C11orf52: variants seen among roughly 807,000 people sequenced by gnomAD.
The protein encoded by C11orf52 is uncharacterized protein C11orf52.
In C11orf52, 9 loss-of-function variants were observed where a neutral mutation model predicts 11.7. The ratio of observed to expected loss-of-function variants is 0.77; its 90% CI spans 0.46 to 1.34. The LOEUF is 1.34. C11orf52 is among the 40% of genes most tolerant of loss of function. The probability of loss-of-function intolerance (pLI) is 0.00; values close to 1 mark genes in which losing one functional copy is unlikely to be tolerated. For synonymous variants in C11orf52, 49 were observed against 57.4 expected (o/e 0.85, Z 0.66); for missense variants, 139 against 154.8 (o/e 0.90, Z 0.54).
chr11:111,925,620 A>G (rs782371755), intron 2 of C11orf52, 33 bp from the exon 3 acceptor site: 2 of 1,607,552 alleles, frequency 1.2e-6, no homozygotes, highest in South Asian at 1.1e-5. Flanking sequence ...CAGGGAAGAG[A>G]GAATAAACTT....
rs1965808277 is a variant in C11orf52 at position 111,926,299 on chromosome 11, C to T, written c.*100C>T. 3 of 1,531,612 alleles carry T rather than the reference C, an allele frequency of 2.0e-6. No individual in the cohort carries two copies. Among genetic ancestry groups the T allele is most frequent in the East Asian group, 4.5e-5 (2 of 44,210 alleles). The allele number at this position is 1,531,612 out of a possible 1,614,324, so 94.9% of individuals were successfully genotyped here. On this transcript the variant is annotated 3_prime_UTR_variant, in exon 4 of 4. Transcript: ENST00000278601. ...GGTGGCAACCCAGGGATGTTGTCCA[C>T]GTTTTAAGCTTAAAGAACTCCAAAG...
intron 1 of C11orf52, among the ~76,000 whole-genome samples, chr11:111,919,960 C>T (rs2137398092): frequency 1.3e-5 from 2 of 152,214 alleles, no homozygotes; most frequent in East Asian, 3.9e-4. Flanking sequence ...CTTTGGGAGG[C>T]CGAGGCGGGT....
rs1332461557 is a variant in C11orf52 at position 111,926,363 on chromosome 11, T to G, written c.*164T>G. The G allele has an allele frequency of 9.6e-7, 1 of 1,042,516 alleles. No individual in the cohort carries two copies. Among genetic ancestry groups the G allele is most frequent in the Non-Finnish European group, 1.4e-6 (1 of 732,538 alleles). 64.6% of individuals were successfully genotyped at this position (1,042,516 alleles called of 1,614,324 possible). A position where few individuals can be genotyped will look rare whatever the true frequency, so the allele number is the denominator to read the frequency against. On this transcript the variant is annotated 3_prime_UTR_variant, in exon 4 of 4. Transcript: ENST00000278601. Reference sequence around the variant, plus strand: ...GGGCGTCCCATTTTCTCCCCTGGCCTCTTACTTGCCACTGTTAGGTTGGAG... The same window carrying G: ...GGGCGTCCCATTTTCTCCCCTGGCCGCTTACTTGCCACTGTTAGGTTGGAG...
chr11:111,924,151 G>A (rs1302407033), intron 1 of C11orf52, 175 bp from the exon 2 acceptor site: 5 of 626,150 alleles, frequency 8.0e-6, no homozygotes, highest in Admixed American at 7.4e-5. Context: ...ATGTGGGAGA[G>A]GTGTGGTACC....
intron 2 of C11orf52, among the ~76,000 whole-genome samples, chr11:111,924,842 G>C (rs1001245516): frequency 6.6e-6 from 1 of 152,194 alleles, no homozygotes; most frequent in Admixed American, 6.5e-5. Context: ...ATAGCAAAGG[G>C]CCAGGCGTAG....
At position 111,926,424 on chromosome 11, in the gene C11orf52, C is replaced by T; in HGVS notation, c.*225C>T. 8.0e-6 allele frequency: 5 copies of T among 624,314 alleles called. No individual in the cohort carries two copies. Among genetic ancestry groups the T allele is most frequent in the Non-Finnish European group, 1.4e-5 (5 of 364,446 alleles). 38.7% of individuals were successfully genotyped at this position (624,314 alleles called of 1,614,324 possible). On this transcript the variant is annotated 3_prime_UTR_variant, in exon 4 of 4. Transcript: ENST00000278601. ...GTTTAGCTATGGGTGGATAGCTAAA[C>T]TTAGCTATCCACATGAGGTTAGGTG...
chr11:111,926,246 G>A lies in C11orf52; in HGVS notation c.*47G>A. 6.2e-7 allele frequency: 1 copy of A among 1,602,308 alleles called. No individual in the cohort carries two copies. Among genetic ancestry groups the A allele is most frequent in the Non-Finnish European group, 8.5e-7 (1 of 1,172,104 alleles). On this transcript the variant is annotated 3_prime_UTR_variant, in exon 4 of 4. Coordinates refer to ENST00000278601, the MANE Select transcript of C11orf52 (RefSeq NM_080659.3). ...TCCATCGTTAACCACTACACCTGTGGGGGAGAACCTACTGCTTTGGGGAAT... is the reference window on the plus strand; with the variant it reads ...TCCATCGTTAACCACTACACCTGTGAGGGAGAACCTACTGCTTTGGGGAAT...
intron 1 of C11orf52, among the ~76,000 whole-genome samples, chr11:111,919,961 C>T (rs374455316): frequency 1.3e-5 from 2 of 151,010 alleles, no homozygotes; most frequent in East Asian, 4.0e-4. Flanking sequence ...TTTGGGAGGC[C>T]GAGGCGGGTG....
chr11:111,925,774 G>A, intron 3 of C11orf52, 60 bp downstream of exon 3: 1 of 1,597,210 alleles, frequency 6.3e-7, no homozygotes, highest in South Asian at 1.1e-5. Context: ...CCAGTAGTCA[G>A]CTCTTTTGCA....
chr11:111,924,100 T>G, intron 1 of C11orf52: 1 of 411,410 alleles, frequency 2.4e-6, no homozygotes, highest in Non-Finnish European at 4.4e-6. Context: ...ATTTTGGGTC[T>G]GGTTATGTCA....
intron 1 of C11orf52, among the ~76,000 whole-genome samples, chr11:111,920,056 G>A (rs1431513748): frequency 6.6e-6 from 1 of 151,854 alleles, no homozygotes; most frequent in Non-Finnish European, 1.5e-5. Context: ...TTAGCCGGGC[G>A]TGGTGGTGGG....
intron 1 of C11orf52, among the ~76,000 whole-genome samples, chr11:111,923,305 C>G (rs912312872): frequency 1.3e-5 from 2 of 152,188 alleles, no homozygotes; most frequent in Non-Finnish European, 1.5e-5. Context: ...CAAGCTGTAG[C>G]AAAACCAAAA....
chr11:111,919,071 C>A (rs868928610), intron 1 of C11orf52, 67 bp downstream of exon 1: 26 of 1,576,038 alleles, frequency 1.6e-5, no homozygotes, highest in Non-Finnish European at 2.3e-5. Flanking sequence ...CCCCGAAAAT[C>A]AGAGGACCTG....
At chr11:111,919,610 G>C (rs1965656321) in intron 1 of C11orf52, among the ~76,000 whole-genome samples, 2 of 152,178 alleles carry the variant, frequency 1.3e-5, no homozygotes, top group South Asian at 4.1e-4. Flanking sequence ...TCCTGGATGA[G>C]AGTAATAATT....
rs782581437 is a variant in C11orf52 at position 111,918,949 on chromosome 11, G to A, written c.-24G>A. The A allele has an allele frequency of 1.1e-5, 18 of 1,614,012 alleles. No individual in the cohort carries two copies. Among genetic ancestry groups the A allele is most frequent in the Admixed American group, 3.3e-5 (2 of 60,000 alleles). ...AGCCTCTTGATGCATAAAAACAGCT[G>A]GGCTCCCTTGGAGACAGAGCGCCAT... On this transcript the variant is annotated 5_prime_UTR_variant, in exon 1 of 4. An upstream open reading frame in the 5' UTR gains an earlier in-frame stop. Transcript: ENST00000278601.
chr11:111,923,086 G>A (rs1205769752), intron 1 of C11orf52, among the ~76,000 whole-genome samples: 1 of 152,144 alleles, frequency 6.6e-6, no homozygotes, highest in South Asian at 2.1e-4. Context: ...AATATTTTCT[G>A]TATCCATTTA....
intron 1 of C11orf52, 109 bp from the exon 2 acceptor site, chr11:111,924,217 G>A: frequency 2.0e-6 from 2 of 1,024,536 alleles, no homozygotes; most frequent in Non-Finnish European, 2.9e-6. Context: ...GTTAGAGGGA[G>A]GTAGGGGAAG....
At chr11:111,922,438 C>T (rs587718404) in intron 1 of C11orf52, among the ~76,000 whole-genome samples, 1 of 152,234 alleles carries the variant, frequency 6.6e-6, no homozygotes, top group South Asian at 2.1e-4. Context: ...AGGTAATAAT[C>T]ATTCATTGCA....
Position 111,926,367 on chromosome 11 carries a change from A to G in C11orf52, c.*168A>G. The G allele has an allele frequency of 1.0e-6, 1 of 998,772 alleles. No individual in the cohort carries two copies. The highest frequency in any genetic ancestry group is 2.8e-5 in the Admixed American group (1 of 35,968). 61.9% of individuals were successfully genotyped at this position (998,772 alleles called of 1,614,324 possible). On this transcript the variant is annotated 3_prime_UTR_variant, in exon 4 of 4. Coordinates refer to ENST00000278601, the MANE Select transcript of C11orf52 (RefSeq NM_080659.3). ...GTCCCATTTTCTCCCCTGGCCTCTT[A>G]CTTGCCACTGTTAGGTTGGAGTTAA...
Sources: gnomAD v4.1 joint callset for allele counts (sites outside exome capture counted in the v4.1 genomes callset) on GRCh38, gnomAD v4.1.1 for gene constraint, MANE v1.5 for transcripts, NCBI Gene and HGNC (gene_info 2026-07-23, HGNC 2026-07-21) for gene names.